The following TAMM41 variants were observed in gnomAD, a reference collection of about 807,000 sequenced individuals.
TAMM41 encodes phosphatidate cytidylyltransferase, mitochondrial.
A neutral mutation model predicts 44.1 loss-of-function variants in TAMM41; 36 were observed. The ratio of observed to expected loss-of-function variants is 0.82; its 90% confidence interval spans 0.63 to 1.08. The LOEUF (loss-of-function observed/expected upper bound fraction) is 1.08. Ranked by LOEUF, TAMM41 falls within the 50% of genes least tolerant of loss-of-function variation. The probability of loss-of-function intolerance (pLI) is 0.00; values close to 1 mark genes in which losing one functional copy is unlikely to be tolerated. For missense variants in TAMM41, 417 were observed against 404.3 expected (o/e 1.03, Z -0.27); for synonymous variants, 164 against 153.1 (o/e 1.07, Z -0.53).
the TAMM41 span, among the ~76,000 whole-genome samples, chr3:11,766,497 C>T: frequency 6.6e-6 from 1 of 151,970 alleles, no homozygotes; most frequent in Non-Finnish European, 1.5e-5. Context: ...AGGAGAAGTA[C>T]AGAAAAGAGG....
At chr3:11,725,424 T>C in the TAMM41 span, among the ~76,000 whole-genome samples, 147 of 71,662 alleles carry the variant, frequency 2.1e-3, no homozygotes, top group East Asian at 6.7e-3. Flanking sequence ...CTTCTTCTTC[T>C]TTCCTCCTCC....
chr3:11,835,819 C>T (rs571119899), intron 3 of TAMM41, among the ~76,000 whole-genome samples: 3 of 152,202 alleles, frequency 2.0e-5, no homozygotes, highest in Non-Finnish European at 4.4e-5. Context: ...GAGGTCAGCG[C>T]CATCAGACTC....
At chr3:11,790,293 G>A (rs2077449571), downstream of TAMM41, 1 of 579,760 alleles carries the variant, frequency 1.7e-6, no homozygotes, top group Non-Finnish European at 3.0e-6. Context: ...CTTTGTACAT[G>A]GAGAGGGTTC....
chr3:11,832,895 G>C (rs2079038174), intron 3 of TAMM41: 1 of 789,592 alleles, frequency 1.3e-6, no homozygotes, highest in Non-Finnish European at 1.5e-6. Flanking sequence ...AATTTTCCCA[G>C]TTAACAAAAT....
At chr3:11,750,453 C>T in the TAMM41 span, among the ~76,000 whole-genome samples, 114 of 152,064 alleles carry the variant, frequency 7.5e-4, no homozygotes, top group Non-Finnish European at 1.4e-3. Context: ...GGACTACAGG[C>T]GCATACCACC....
At chr3:11,779,570 G>A in the TAMM41 span, among the ~76,000 whole-genome samples, 1 of 152,244 alleles carries the variant, frequency 6.6e-6, no homozygotes, top group South Asian at 2.1e-4. Flanking sequence ...CCTGCTCTCC[G>A]TGTTTTCCTC....
At chr3:11,783,057 G>A in the TAMM41 span, among the ~76,000 whole-genome samples, 1 of 152,176 alleles carries the variant, frequency 6.6e-6, no homozygotes, top group African/African-American at 2.4e-5. Flanking sequence ...CAGCAACCCC[G>A]AGGGTGCTGG....
At chr3:11,772,079 C>CTT in the TAMM41 span, among the ~76,000 whole-genome samples, 1,542 of 149,038 alleles carry the variant, frequency 0.01, 33 homozygotes, top group African/African-American at 0.035. Flanking sequence ...TTCTTTTTTT[C>CTT]TTTTTTTTTG....
the TAMM41 span, among the ~76,000 whole-genome samples, chr3:11,760,451 A>G: frequency 6.6e-6 from 1 of 152,082 alleles, no homozygotes; most frequent in East Asian, 1.9e-4. Flanking sequence ...ATTTCTTCCA[A>G]TTTTAATTTT....
At chr3:11,787,166 G>A (rs116421308), downstream of TAMM41, among the ~76,000 whole-genome samples, 1,470 of 152,258 alleles carry the variant, frequency 9.7e-3, 10 homozygotes, top group Middle Eastern at 0.031. Context: ...AGAGAGAGCC[G>A]GAAGGAAGCT....
chr3:11,775,915 G>A, the TAMM41 span, among the ~76,000 whole-genome samples: 1 of 152,050 alleles, frequency 6.6e-6, no homozygotes, highest in Non-Finnish European at 1.5e-5. Flanking sequence ...GTGTCCCCAT[G>A]AACTCAGTAC....
the TAMM41 span, among the ~76,000 whole-genome samples, chr3:11,742,044 G>A: frequency 6.7e-5 from 10 of 150,276 alleles, no homozygotes; most frequent in Admixed American, 3.9e-4. Flanking sequence ...TATTGACCTT[G>A]GCAAATAAAT....
chr3:11,786,506 T>C (rs914043793), downstream of TAMM41, among the ~76,000 whole-genome samples: 11 of 151,898 alleles, frequency 7.2e-5, no homozygotes, highest in African/African-American at 2.7e-4. Context: ...GGTTTCACCA[T>C]GTTGGCCAGG....
intron 3 of TAMM41, among the ~76,000 whole-genome samples, chr3:11,836,839 A>G (rs2079199973): frequency 6.6e-6 from 1 of 152,268 alleles, no homozygotes; most frequent in Non-Finnish European, 1.5e-5. Flanking sequence ...AATATTTACA[A>G]ATTTCCAACT....
At chr3:11,736,379 A>G in the TAMM41 span, among the ~76,000 whole-genome samples, 2 of 152,364 alleles carry the variant, frequency 1.3e-5, no homozygotes, top group South Asian at 4.1e-4. Flanking sequence ...GGAATGTAAC[A>G]GTGCTATAAT....
intron 4 of TAMM41, among the ~76,000 whole-genome samples, chr3:11,821,004 C>T (rs2078498260): frequency 6.6e-6 from 1 of 152,182 alleles, no homozygotes; most frequent in Non-Finnish European, 1.5e-5. Flanking sequence ...GGCAATGTCC[C>T]AGGGTGACTG....
chr3:11,787,588 G>T (rs1382247136), downstream of TAMM41, among the ~76,000 whole-genome samples: 1 of 152,050 alleles, frequency 6.6e-6, no homozygotes, highest in Non-Finnish European at 1.5e-5. Context: ...ATATATGAGG[G>T]ACTATCCCAT....
chr3:11,786,556 G>A (rs1310710703), downstream of TAMM41, among the ~76,000 whole-genome samples: 1 of 152,026 alleles, frequency 6.6e-6, no homozygotes, highest in Non-Finnish European at 1.5e-5. Flanking sequence ...ACCCGCCTCA[G>A]CCTCCCAAAG....
chr3:11,739,608 G>T, the TAMM41 span, among the ~76,000 whole-genome samples: 2 of 144,368 alleles, frequency 1.4e-5, no homozygotes, highest in African/African-American at 5.2e-5. Context: ...GGAGGTGGAG[G>T]TTGCAGTGAG....
Sources: allele counts gnomAD v4.1 joint callset (sites outside exome capture counted in the v4.1 genomes callset), GRCh38; gene constraint gnomAD v4.1.1; transcripts MANE v1.5; gene names NCBI Gene and HGNC (gene_info 2026-07-23, HGNC 2026-07-21).